RBM19: variants seen among roughly 807,000 people sequenced by gnomAD.
RBM19 encodes the protein RNA binding motif protein 19.
RBM19 carries 94 observed loss-of-function variants against 116.8 expected under a neutral mutation model. The observed-to-expected ratio is 0.80, with a 90% CI of 0.68 to 0.95. The LOEUF is 0.95. Ranked by LOEUF, RBM19 falls within the 40% of genes least tolerant of loss-of-function variation. The probability of loss-of-function intolerance (pLI) is 0.00; values close to 1 mark genes in which losing one functional copy is unlikely to be tolerated. For synonymous variants in RBM19, 475 were observed against 494.1 expected (o/e 0.96, Z 0.51); for missense variants, 1,161 against 1,220.7 (o/e 0.95, Z 0.73).
intron 21 of RBM19, among the ~76,000 whole-genome samples, chr12:113,906,031 C>A (rs115766136): frequency 1.2e-3 from 184 of 152,334 alleles, no homozygotes; most frequent in African/African-American, 3.7e-3. Flanking sequence ...GAAGCGCAAA[C>A]TGATACAACC....
At chr12:113,835,360 C>G (rs1875782565) in intron 23 of RBM19, among the ~76,000 whole-genome samples, 1 of 152,164 alleles carries the variant, frequency 6.6e-6, no homozygotes, top group South Asian at 2.1e-4. Context: ...GGGCCTTGTA[C>G]CCCCGCAAAG....
intron 21 of RBM19, among the ~76,000 whole-genome samples, chr12:113,876,554 G>A (rs931246915): frequency 6.6e-6 from 1 of 152,222 alleles, no homozygotes; most frequent in African/African-American, 2.4e-5. Context: ...ACTTTGGGAG[G>A]CTGAGGTGGG....
rs192924351 is a variant in RBM19 at position 113,952,718 on chromosome 12, C to G, written c.922-128G>C. The G allele has an allele frequency of 1.2e-5, 8 of 695,516 alleles. No homozygotes were observed. In the African/African-American group the frequency reaches 1.4e-4, roughly 13 times the overall value. 43.1% of individuals were successfully genotyped at this position (695,516 alleles called of 1,614,324 possible). A position where few individuals can be genotyped will look rare whatever the true frequency, so the allele number is the denominator to read the frequency against. ...TTTCATTCTTTAGTTTTTCTCTTTC[C>G]TTATACGTATCGCTTCTCCAATTAC... On this transcript the variant is annotated intron_variant, in intron 7 of 23. Coordinates refer to ENST00000261741, the MANE Select transcript of RBM19 (RefSeq NM_016196.4).
chr12:113,959,384 G>T lies in RBM19; in HGVS notation c.399C>A (p.Phe133Leu), dbSNP rs1410540628. 4 of 1,608,368 alleles carry T rather than the reference G, an allele frequency of 2.5e-6. No homozygotes were observed. The East Asian group carries it at 6.7e-5, about 27-fold the overall frequency. Residue 133 changes from phenylalanine (F) to leucine (L), a missense_variant, in exon 5 of 24, where the codon TTC becomes TTA. Physicochemically the swap from Phe to Leu is conservative, Grantham distance 22 (BLOSUM62 0). Transcript: ENST00000261741. ...TCTGATGAACTGACAGAAACTCCTG[G>T]AACTCTGTATCCTCCTTCAGCTGGT... Reference protein sequence around the residue: ...QLEKLKEDTEFQEFLSVHQRR... With the variant: ...QLEKLKEDTELQEFLSVHQRR...
intron 16 of RBM19, 91 bp from the exon 17 acceptor site, chr12:113,927,320 A>C: frequency 6.9e-7 from 1 of 1,449,668 alleles, no homozygotes; most frequent in Non-Finnish European, 9.1e-7. Flanking sequence ...CAACTGCAAA[A>C]AGCCCACTAG....
Position 113,955,152 on chromosome 12 carries a change from T to C in RBM19, c.900A>G (p.Gly300=). 1 of 1,613,876 alleles carries C rather than the reference T, an allele frequency of 6.2e-7. No homozygotes were observed. Among genetic ancestry groups the C allele is most frequent in the South Asian group, 1.1e-5 (1 of 91,058 alleles). ...ATACCTCTGTGACATTGAACGGGGCTCCCCGCAGCTTCACGGTGTGGCAGG... is the reference window on the plus strand; with the variant it reads ...ATACCTCTGTGACATTGAACGGGGCCCCCCGCAGCTTCACGGTGTGGCAGG... ...PTTCHTVKLR[G]APFNVTEKNV... Residue 300 remains glycine (G), a synonymous_variant, in exon 7 of 24, where the codon GGA becomes GGG. Transcript: ENST00000261741.
At chr12:113,878,206 T>A (rs1435386311) in intron 21 of RBM19, among the ~76,000 whole-genome samples, 1 of 152,050 alleles carries the variant, frequency 6.6e-6, no homozygotes, top group African/African-American at 2.4e-5. Flanking sequence ...AGGCATCACA[T>A]CACCACTGTA....
chr12:113,830,353 A>G (rs1875267370), intron 23 of RBM19, among the ~76,000 whole-genome samples: 1 of 152,046 alleles, frequency 6.6e-6, no homozygotes, highest in South Asian at 2.1e-4. Flanking sequence ...GGATATGATG[A>G]CTGCTATGAT....
rs1868456959 is a variant in RBM19, at chr12:113,920,686, C to A, written c.2310G>T (p.Val770=). Residue 770 remains valine (V), a synonymous_variant, in exon 19 of 24, where the codon GTG becomes GTT. Transcript: ENST00000261741. ...CAAATCCAAACCCCATGGAAAGGAGCACTCCTGAGAGAGAGAGGTGGAAAT... is the reference window on the plus strand; with the variant it reads ...CAAATCCAAACCCCATGGAAAGGAGAACTCCTGAGAGAGAGAGGTGGAAAT... ...SISKKKNKAG[V]LLSMGFGFVE... 11 of 1,613,658 alleles carry A rather than the reference C, an allele frequency of 6.8e-6. No homozygotes were observed. In the African/African-American group the frequency reaches 9.3e-5, roughly 14 times the overall value.
In RBM19 at chr12:113,939,868, A is replaced by G. The variant is rs1870402611; in HGVS notation, c.1938+92T>C. ...TTTAGGGTGAGCTCCCATGTGCCAC[A>G]TCTGTGAATCCATAGCCCACTGCAC... On this transcript the variant is annotated intron_variant, in intron 15 of 23. Transcript: ENST00000261741. The G allele has an allele frequency of 4.4e-6, 6 of 1,377,132 alleles. No individual in the cohort carries two copies. The South Asian group carries it at 5.1e-5, about 12-fold the overall frequency. 85.3% of individuals were successfully genotyped at this position (1,377,132 alleles called of 1,614,324 possible).
chr12:113,947,536 C>G, intron 10 of RBM19, 72 bp from the exon 11 acceptor site: 7 of 1,504,390 alleles, frequency 4.7e-6, no homozygotes, highest in Non-Finnish European at 4.5e-6. Context: ...GTGGTGAGCA[C>G]CAGCTGTGAG....
At position 113,872,594 on chromosome 12, in the gene RBM19, G is replaced by C. The variant is rs1229409110; in HGVS notation, c.2559-13698C>G. ...TGGGGGGGGGTCAGCCCCCCTGCCCGGCCAGCCGCCCCGTCCGGGAGGTGA... is the reference window on the plus strand; with the variant it reads ...TGGGGGGGGGTCAGCCCCCCTGCCCCGCCAGCCGCCCCGTCCGGGAGGTGA... On this transcript the variant is annotated intron_variant, in intron 21 of 23. Transcript: ENST00000261741. Among the ~76,000 whole-genome samples the C allele has an allele frequency of 4.7e-4, 49 of 104,630 alleles. 1 individual carries two copies. Among genetic ancestry groups the C allele is most frequent in the Non-Finnish European group, 8.8e-4 (42 of 47,992 alleles). The allele number at this position is 104,630 out of a possible 152,430, so 68.6% of individuals were successfully genotyped here. A position where few individuals can be genotyped will look rare whatever the true frequency, so the allele number is the denominator to read the frequency against.
intron 21 of RBM19, among the ~76,000 whole-genome samples, chr12:113,869,795 G>A (rs897352849): frequency 6.6e-6 from 1 of 151,990 alleles, no homozygotes; most frequent in Non-Finnish European, 1.5e-5. Context: ...CTTGCTTTTT[G>A]CTATTATCTC....
chr12:113,888,854 T>C (rs1163507341), intron 21 of RBM19, among the ~76,000 whole-genome samples: 2 of 152,244 alleles, frequency 1.3e-5, no homozygotes, highest in Non-Finnish European at 2.9e-5. Context: ...AGCTTGGCGT[T>C]TGGCATGTGG....
At chr12:113,858,556 T>C (rs775949169) in intron 22 of RBM19, among the ~76,000 whole-genome samples, 2 of 152,170 alleles carry the variant, frequency 1.3e-5, no homozygotes, top group Admixed American at 6.5e-5. Context: ...CCCAGGTTCC[T>C]GCATATGTGA....
Position 113,858,888 on chromosome 12 carries a change from C to G in RBM19, c.2567G>C (p.Gly856Ala). ...REIRELFSTFGELKTVRLPKK... is the reference protein window; with the variant it reads ...REIRELFSTFAELKTVRLPKK... ...TGGCAGGCGGACCGTCTTCAACTCCCCAAAGGTGCTAGAAACAAAAGGCAA... is the reference window on the plus strand; with the variant it reads ...TGGCAGGCGGACCGTCTTCAACTCCGCAAAGGTGCTAGAAACAAAAGGCAA... The change falls in exon 22 of 24, where the codon GGG becomes GCG. Residue 856 changes from glycine to alanine, a missense_variant. Physicochemically the swap from Gly to Ala is moderately conservative, Grantham distance 60. Transcript: ENST00000261741. 1 of 1,614,172 alleles carries G rather than the reference C, an allele frequency of 6.2e-7. No individual in the cohort carries two copies. The highest frequency in any genetic ancestry group is 8.5e-7 in the Non-Finnish European group (1 of 1,180,044).
At chr12:113,878,449 A>C (rs549963608) in intron 21 of RBM19, among the ~76,000 whole-genome samples, 1 of 152,312 alleles carries the variant, frequency 6.6e-6, no homozygotes, top group East Asian at 1.9e-4. Flanking sequence ...AGGGGGCCTT[A>C]ATGATGGATA....
At chr12:113,882,677 G>C (rs968771708) in intron 21 of RBM19, among the ~76,000 whole-genome samples, 2 of 152,176 alleles carry the variant, frequency 1.3e-5, no homozygotes, top group Non-Finnish European at 2.9e-5. Context: ...CGAGCCCAGG[G>C]GTGGCTCCAA....
intron 21 of RBM19, among the ~76,000 whole-genome samples, chr12:113,908,033 C>T (rs994948161): frequency 6.6e-6 from 1 of 152,150 alleles, no homozygotes; most frequent in African/African-American, 2.4e-5. Flanking sequence ...CACCTGGGGT[C>T]AGCCTCATCC....
Sources: gnomAD v4.1 joint callset for allele counts (sites outside exome capture counted in the v4.1 genomes callset) on GRCh38, gnomAD v4.1.1 for gene constraint, MANE v1.5 for transcripts, NCBI Gene and HGNC (gene_info 2026-07-23, HGNC 2026-07-21) for gene names.